PINK1: variants seen among roughly 807,000 people sequenced by gnomAD.
The protein encoded by PINK1 is serine/threonine-protein kinase PINK1, mitochondrial.
PINK1 carries 58 observed loss-of-function variants against 56.0 expected under a neutral mutation model. The ratio of observed to expected loss-of-function variants is 1.04; its 90% CI spans 0.84 to 1.29. PINK1 has a LOEUF of 1.29. PINK1 is among the 50% of genes most tolerant of loss of function. PINK1 has a pLI of 0.00. For missense variants in PINK1, 745 were observed against 777.9 expected (o/e 0.96, Z 0.50); for synonymous variants, 354 against 339.3 (o/e 1.04, Z -0.48).
intron 5 of PINK1, chr1:20,648,273 C>A: frequency 3.4e-6 from 2 of 579,838 alleles, no homozygotes; most frequent in East Asian, 6.1e-5. Flanking sequence ...TTAAATTGAG[C>A]CACACAGTCC....
intron 4 of PINK1, 56 bp downstream of exon 4, chr1:20,644,728 G>A: frequency 6.3e-7 from 1 of 1,596,162 alleles, no homozygotes; most frequent in South Asian, 1.1e-5. Flanking sequence ...AAGGGGAGCT[G>A]GTTCCTGCCC....
chr1:20,644,605 G>A lies in PINK1; in HGVS notation c.892G>A (p.Val298Met), dbSNP rs772706227. Residue 298 changes from valine to methionine, a missense_variant, in exon 4 of 8, where the codon GTG (valine) becomes ATG (methionine). Val to Met is a conservative substitution (Grantham distance 21, BLOSUM62 1). Transcript: ENST00000321556. ...AGGGGCCCTGGTCGACTACCCTGAT[G>A]TGCTGCCCTCACGCCTCCACCCTGA... ...LPGALVDYPDVLPSRLHPEGL... is the reference protein window; with the variant it reads ...LPGALVDYPDMLPSRLHPEGL... 8 of 1,614,230 alleles carry A rather than the reference G, an allele frequency of 5.0e-6. No individual in the cohort carries two copies. The highest frequency in any genetic ancestry group is 3.3e-5 in the South Asian group (3 of 91,088).
intron 7 of PINK1, chr1:20,649,473 G>A: frequency 3.7e-6 from 2 of 536,324 alleles, no homozygotes; most frequent in Admixed American, 3.1e-5. Flanking sequence ...TGCTGAAAAA[G>A]TTGTTCAGAG....
intron 3 of PINK1, 27 bp from the exon 4 acceptor site, chr1:20,644,463 A>G (rs767951846): frequency 3.7e-6 from 6 of 1,612,134 alleles, no homozygotes; most frequent in Admixed American, 3.3e-5. Context: ...TGCTGGCCTC[A>G]TATGTTTGTC....
chr1:20,650,456 C>G lies in PINK1; in HGVS notation c.1511C>G (p.Ala504Gly). The G allele has an allele frequency of 6.2e-7, 1 of 1,614,022 alleles. No homozygotes were observed. Among genetic ancestry groups the G allele is most frequent in the Non-Finnish European group, 8.5e-7 (1 of 1,179,916 alleles). Residue 504 changes from alanine (A) to glycine (G), a missense_variant, in exon 8 of 8, where the codon GCA (alanine) becomes GGA (glycine). Coordinates refer to ENST00000321556, the MANE Select transcript of PINK1 (RefSeq NM_032409.3). ...ASKRPSARVA[A>G]NVLHLSLWGE... Reference sequence around the variant, plus strand: ...CAGAGACCATCTGCCCGAGTAGCCGCAAATGTGCTTCATCTAAGCCTCTGG... The same window carrying G: ...CAGAGACCATCTGCCCGAGTAGCCGGAAATGTGCTTCATCTAAGCCTCTGG...
rs1201909102 is a variant in PINK1 at position 20,633,879 on chromosome 1, A to C, written c.331A>C (p.Ile111Leu). 2 of 1,581,870 alleles carry C rather than the reference A, an allele frequency of 1.3e-6. No homozygotes were observed. The highest frequency in any genetic ancestry group is 1.8e-5 in the Admixed American group (1 of 55,560). Residue 111 changes from isoleucine (I) to leucine (L), a missense_variant, in exon 1 of 8, where the codon ATC (isoleucine) becomes CTC (leucine). Physicochemically the swap from Ile to Leu is conservative, Grantham distance 5 (BLOSUM62 2). Transcript: ENST00000321556. The stretch of plus-strand genomic sequence containing the variant: ...GGCCTTCGGGCTAGGGCTGGGCCTC[A>C]TCGAGGAAAAACAGGCGGAGAGCCG... The part of the protein sequence containing the change: ...FLAFGLGLGL[I>L]EEKQAESRRA...
chr1:20,638,524 A>G (rs968806052), intron 2 of PINK1: 2 of 264,332 alleles, frequency 7.6e-6, no homozygotes, highest in African/African-American at 4.5e-5. Flanking sequence ...AGTCTTAGCT[A>G]CTTGGGTGGC....
intron 5 of PINK1, among the ~76,000 whole-genome samples, chr1:20,647,938 G>A (rs577602809): frequency 5.9e-5 from 9 of 151,874 alleles, no homozygotes; most frequent in East Asian, 3.9e-4. Context: ...TCAGCCTCCC[G>A]AGTAGCTGGG....
At position 20,645,063 on chromosome 1, in the gene PINK1, T is replaced by C. The variant is rs568364944; in HGVS notation, c.959+391T>C. On this transcript the variant is annotated intron_variant, in intron 4 of 7. Transcript: ENST00000321556. ...ATTATCTGCACCATTACTTTGAATATAGGGAGCCCCAACTCTTACTTCCTA... is the reference window on the plus strand; with the variant it reads ...ATTATCTGCACCATTACTTTGAATACAGGGAGCCCCAACTCTTACTTCCTA... Among the ~76,000 whole-genome samples, 7 of 152,294 alleles carry C rather than the reference T, an allele frequency of 4.6e-5. No individual in the cohort carries two copies. In the South Asian group the frequency reaches 1.5e-3, roughly 32 times the overall value.
At chr1:20,645,475 G>C in intron 4 of PINK1, 85 bp from the exon 5 acceptor site, 1 of 1,412,518 alleles carries the variant, frequency 7.1e-7, no homozygotes, top group Non-Finnish European at 9.6e-7. Flanking sequence ...GCGACAGAGT[G>C]AGACTCCATC....
In PINK1 at chr1:20,650,494, C is replaced by T. The variant is rs149466252; in HGVS notation, c.1549C>T (p.Leu517=). Residue 517 remains leucine, a synonymous_variant, in exon 8 of 8, where the codon CTA becomes TTA. Coordinates refer to ENST00000321556, the MANE Select transcript of PINK1 (RefSeq NM_032409.3). ...TCTAAGCCTCTGGGGTGAACATATT[C>T]TAGCCCTGAAGAATCTGAAGTTAGA... The part of the protein sequence containing the change: ...LHLSLWGEHI[L]ALKNLKLDKM... The T allele has an allele frequency of 3.2e-5, 51 of 1,614,082 alleles. No homozygotes were observed. The highest frequency in any genetic ancestry group is 4.2e-5 in the Non-Finnish European group (50 of 1,180,028).
In PINK1 at chr1:20,633,839, C is replaced by A. The variant is rs1163874545; in HGVS notation, c.291C>A (p.Gly97=). Residue 97 remains glycine, a synonymous_variant, in exon 1 of 8, where the codon GGC becomes GGA. Coordinates refer to ENST00000321556, the MANE Select transcript of PINK1 (RefSeq NM_032409.3). ...VRAWGCAGPC[G]RAVFLAFGLG... is the part of the protein sequence containing the mutation. ...CCTGGGGCTGCGCGGGCCCTTGCGG[C>A]CGGGCAGTCTTTCTGGCCTTCGGGC... 3 of 1,578,188 alleles carry A rather than the reference C, an allele frequency of 1.9e-6. No homozygotes were observed. In the Admixed American group the frequency reaches 5.4e-5, roughly 29 times the overall value.
At position 20,637,856 on chromosome 1, in the gene PINK1, G is replaced by A; in HGVS notation, c.402G>A (p.Gln134=). 2 of 1,614,124 alleles carry A rather than the reference G, an allele frequency of 1.2e-6. No individual in the cohort carries two copies. Among genetic ancestry groups the A allele is most frequent in the South Asian group, 1.1e-5 (1 of 91,080 alleles). The change falls in exon 2 of 8, where the codon CAG becomes CAA. Residue 134 remains glutamine (Q), a synonymous_variant. Transcript: ENST00000321556. ...TCTCATCACAGGCAATTTTTACCCA[G>A]AAAAGCAAGCCGGGGCCTGACCCGT... ...ACQEIQAIFT[Q]KSKPGPDPLD...
chr1:20,651,174 G>A lies in PINK1; in HGVS notation c.*483G>A, dbSNP rs2053268515. On this transcript the variant is annotated 3_prime_UTR_variant, in exon 8 of 8. Transcript: ENST00000321556. Reference sequence around the variant, plus strand: ...TTCCCAAGCTGTGCGTTCTGGACCAGCTACTGAATTATTAATCTCACTTAG... The same window carrying A: ...TTCCCAAGCTGTGCGTTCTGGACCAACTACTGAATTATTAATCTCACTTAG... 1 of 188,070 alleles carries A rather than the reference G, an allele frequency of 5.3e-6. No individual in the cohort carries two copies. Among genetic ancestry groups the A allele is most frequent in the Non-Finnish European group, 1.1e-5 (1 of 88,174 alleles). 11.7% of individuals were successfully genotyped at this position (188,070 alleles called of 1,614,324 possible).
In PINK1 at chr1:20,639,933, G is replaced by A. The variant is rs1429153319; in HGVS notation, c.717G>A (p.Gln239=). ...AAGCCATCTTGAACACAATGAGCCAGGAGCTGGTCCCAGCGAGCCGAGTGG... is the reference window on the plus strand; with the variant it reads ...AAGCCATCTTGAACACAATGAGCCAAGAGCTGGTCCCAGCGAGCCGAGTGG... The part of the protein sequence containing the change: ...SSEAILNTMS[Q]ELVPASRVAL... Residue 239 remains glutamine (Q), a synonymous_variant, in exon 3 of 8, where the codon CAG becomes CAA. Transcript: ENST00000321556. 5 of 1,613,318 alleles carry A rather than the reference G, an allele frequency of 3.1e-6. No individual in the cohort carries two copies. Among genetic ancestry groups the A allele is most frequent in the Non-Finnish European group, 4.2e-6 (5 of 1,179,736 alleles).
chr1:20,633,714 C>G lies in PINK1; in HGVS notation c.166C>G (p.Pro56Ala), dbSNP rs1255549417. The change falls in exon 1 of 8, where the codon CCT (proline) becomes GCT (alanine). Residue 56 changes from proline (P) to alanine (A), a missense_variant. Transcript: ENST00000321556. ...PGWAAGPGAE[P>A]RRVGLGLPNR... ...CTGGGCCGCAGGACCGGGCGCGGAG[C>G]CTCGCAGGGTCGGGCTCGGGCTCCC... 1.3e-6 allele frequency: 2 copies of G among 1,524,372 alleles called. No homozygotes were observed. Among genetic ancestry groups the G allele is most frequent in the South Asian group, 2.4e-5 (2 of 83,026 alleles). The allele number at this position is 1,524,372 out of a possible 1,614,324, so 94.4% of individuals were successfully genotyped here. A position where few individuals can be genotyped will look rare whatever the true frequency, so the allele number is the denominator to read the frequency against.
Position 20,650,862 on chromosome 1 carries a change from C to T in PINK1, c.*171C>T. 1.2e-6 allele frequency: 1 copy of T among 831,066 alleles called. No homozygotes were observed. 51.5% of individuals were successfully genotyped at this position (831,066 alleles called of 1,614,324 possible). ...GGAAGAACTTGAGTGAGAGTTCAGT[C>T]TGCAGTCCTCTGCTCACAGACATCT... On this transcript the variant is annotated 3_prime_UTR_variant, in exon 8 of 8. Transcript: ENST00000321556.
At position 20,633,566 on chromosome 1, in the gene PINK1, G is replaced by A; in HGVS notation, c.18G>A (p.Ala6=). Residue 6 remains alanine (A), a synonymous_variant, in exon 1 of 8, where the codon GCG becomes GCA. Transcript: ENST00000321556. The stretch of plus-strand genomic sequence containing the variant: ...GCGCCACCATGGCGGTGCGACAGGC[G>A]CTGGGCCGCGGCCTGCAGCTGGGTC... MAVRQ[A]LGRGLQLGRA... is the part of the protein sequence containing the mutation. 8.4e-7 allele frequency: 1 copy of A among 1,190,364 alleles called. No individual in the cohort carries two copies. The highest frequency in any genetic ancestry group is 1.0e-6 in the Non-Finnish European group (1 of 961,920). 73.7% of individuals were successfully genotyped at this position (1,190,364 alleles called of 1,614,324 possible).
chr1:20,633,758 C>T lies in PINK1; in HGVS notation c.210C>T (p.Phe70=), dbSNP rs2154533494. 1.9e-6 allele frequency: 3 copies of T among 1,551,978 alleles called. No individual in the cohort carries two copies. The East Asian group carries it at 7.1e-5, about 37-fold the overall frequency. The change falls in exon 1 of 8, where the codon TTC becomes TTT. Residue 70 remains phenylalanine (F), a synonymous_variant. Coordinates refer to ENST00000321556, the MANE Select transcript of PINK1 (RefSeq NM_032409.3). ...GLGLPNRLRF[F]RQSVAGLAAR... is the part of the protein sequence containing the mutation. ...GGCTCCCTAACCGTCTCCGCTTCTT[C>T]CGCCAGTCGGTGGCCGGGCTGGCGG...
Sources: allele counts gnomAD v4.1 joint callset (sites outside exome capture counted in the v4.1 genomes callset), GRCh38; gene constraint gnomAD v4.1.1; transcripts MANE v1.5; gene names NCBI Gene and HGNC (gene_info 2026-07-23, HGNC 2026-07-21).